Variants in TCF20 observed in about 807,000 individuals in gnomAD.
The protein encoded by TCF20 is transcription factor 20.
In TCF20, 3 loss-of-function variants were observed where a neutral mutation model predicts 148.6. That is an observed-to-expected ratio of 0.02 (90% CI 0.01 to 0.05). The LOEUF (loss-of-function observed/expected upper bound fraction) is 0.05, where lower values mean the gene tolerates loss of function less well. TCF20 is among the 10% of genes least tolerant of loss of function. The probability of loss-of-function intolerance (pLI) is 1.00; values close to 1 mark genes in which losing one functional copy is unlikely to be tolerated. For synonymous variants in TCF20, 1,049 were observed against 909.5 expected, an observed-to-expected ratio of 1.15 and a Z score of -2.76; for missense variants, 2,350 against 2,429.3, an observed-to-expected ratio of 0.97 and a Z score of 0.69.
chr22:42,262,189 G>C (rs1043255801), intron 1 of TCF20, among the ~76,000 whole-genome samples: 11 of 152,180 alleles, frequency 7.2e-5, no homozygotes, highest in African/African-American at 2.7e-4. Context: ...ATTTTAAGCA[G>C]ACACATACGA....
At chr22:42,267,572 G>A (rs574283553) in intron 1 of TCF20, among the ~76,000 whole-genome samples, 39 of 151,846 alleles carry the variant, frequency 2.6e-4, no homozygotes, top group Non-Finnish European at 5.0e-4. Context: ...GTGGTGGTGC[G>A]CACCTGTAGT....
intron 1 of TCF20, among the ~76,000 whole-genome samples, chr22:42,260,408 T>C (rs1404640429): frequency 6.6e-6 from 1 of 152,188 alleles, no homozygotes; most frequent in Non-Finnish European, 1.5e-5. Context: ...GAGATCACTT[T>C]AGCTGATAAG....
Position 42,318,356 on chromosome 22 carries a change from C to G in TCF20, c.-37+25123G>C, listed in dbSNP as rs562508183. ...CAGCCCCACCCCAAAAAGACTAGGG[C>G]GTACAGGGAACAATTGGCTAAAATA... On this transcript the variant is annotated intron_variant, in intron 1 of 1. Coordinates refer to the TCF20 transcript ENST00000515426. 5.3e-5 allele frequency among the ~76,000 whole-genome samples: 8 copies of G among 152,204 alleles called. No individual in the cohort carries two copies. The South Asian group carries it at 1.7e-3, about 32-fold the overall frequency.
At chr22:42,232,610 G>A (rs571723034) in intron 1 of TCF20, among the ~76,000 whole-genome samples, 4 of 152,052 alleles carry the variant, frequency 2.6e-5, no homozygotes, top group African/African-American at 4.8e-5. Context: ...GGCGGATCAC[G>A]AGGTCAGGAG....
intron 1 of TCF20, among the ~76,000 whole-genome samples, chr22:42,322,682 C>T (rs1282066741): frequency 1.3e-5 from 2 of 151,728 alleles, no homozygotes; most frequent in Non-Finnish European, 2.9e-5. Context: ...GAGTGAGCAC[C>T]TGAGGGAATG....
In TCF20 at chr22:42,161,157, ATG is replaced by A; in HGVS notation, c.*244_*245del. ...CATTGTCACTATGGAGATTGTGTCC[ATG>A]GAAACAGCCATTCCAACGTCTTGGG... On this transcript the variant is annotated 3_prime_UTR_variant, in exon 6 of 6. Transcript: ENST00000677622. 3.1e-6 allele frequency: 1 copy of A among 318,688 alleles called. No homozygotes were observed. The highest frequency in any genetic ancestry group is 5.3e-6 in the Non-Finnish European group (1 of 187,184). The allele number at this position is 318,688 out of a possible 1,614,324, so 19.7% of individuals were successfully genotyped here.
chr22:42,253,914 T>G lies in TCF20; in HGVS notation c.-37+16425A>C, dbSNP rs559009006. Among the ~76,000 whole-genome samples, 35 of 152,022 alleles carry G rather than the reference T, an allele frequency of 2.3e-4. 1 individual carries two copies. In the East Asian group the frequency reaches 6.6e-3, roughly 29 times the overall value. The stretch of plus-strand genomic sequence containing the variant: ...CAACATGGAGAAACCCTGTCTCTAC[T>G]AAAAATACAAAATTAGCCGGGTGTA... On this transcript the variant is annotated intron_variant, in intron 1 of 5. Transcript: ENST00000677622.
At chr22:42,251,837 A>G (rs1251355391) in intron 1 of TCF20, among the ~76,000 whole-genome samples, 1 of 151,710 alleles carries the variant, frequency 6.6e-6, no homozygotes, top group African/African-American at 2.4e-5. Flanking sequence ...TTTTAAAATT[A>G]TTTTTTCCAG....
upstream of TCF20, among the ~76,000 whole-genome samples, chr22:42,285,003 C>G (rs2147020923): frequency 6.6e-6 from 1 of 152,366 alleles, no homozygotes; most frequent in South Asian, 2.1e-4. This position sits in a 1 kb window ranked among gnomAD's most constrained non-coding sequence, Gnocchi z 4.2. Flanking sequence ...TCAAGCCATC[C>G]TTGGCCTGGT....
chr22:42,271,200 C>T (rs938878082), upstream of TCF20, among the ~76,000 whole-genome samples: 5 of 152,238 alleles, frequency 3.3e-5, no homozygotes, highest in Non-Finnish European at 7.3e-5. Context: ...CTGGCAGCCC[C>T]CGCCCATGGG....
At chr22:42,164,725 G>T (rs1002074522) in intron 5 of TCF20, among the ~76,000 whole-genome samples, 2 of 152,250 alleles carry the variant, frequency 1.3e-5, no homozygotes, top group African/African-American at 4.8e-5. Flanking sequence ...GAGGAGGGGG[G>T]CAATGGAGAC....
chr22:42,183,748 A>C (rs1255780260), intron 2 of TCF20, among the ~76,000 whole-genome samples: 1 of 151,782 alleles, frequency 6.6e-6, no homozygotes, highest in Non-Finnish European at 1.5e-5. Flanking sequence ...CAAGACTCTC[A>C]AGTGATTGTT....
chr22:42,183,089 G>C (rs371248559), intron 2 of TCF20, among the ~76,000 whole-genome samples: 127 of 152,314 alleles, frequency 8.3e-4, no homozygotes, highest in African/African-American at 2.8e-3. Flanking sequence ...AAGTCCTCCA[G>C]GCTATTCTGA....
chr22:42,234,336 T>C (rs186535300), intron 1 of TCF20, among the ~76,000 whole-genome samples: 1 of 152,206 alleles, frequency 6.6e-6, no homozygotes, highest in Non-Finnish European at 1.5e-5. Flanking sequence ...GGTCAACCTG[T>C]CAAATGAAGC....
chr22:42,168,070 C>G (rs1601510193), intron 5 of TCF20, among the ~76,000 whole-genome samples: 1 of 151,994 alleles, frequency 6.6e-6, no homozygotes, highest in Non-Finnish European at 1.5e-5. Flanking sequence ...CTAGAGTCTA[C>G]TAAATCTTTG....
upstream of TCF20, among the ~76,000 whole-genome samples, chr22:42,287,982 A>G (rs1170669714): frequency 2.8e-4 from 42 of 152,244 alleles, no homozygotes; most frequent in Admixed American, 2.7e-3. Context: ...CTTCACCAGA[A>G]GAGCTTTCGG....
chr22:42,219,279 G>A (rs1472917201), intron 1 of TCF20, among the ~76,000 whole-genome samples: 1 of 141,024 alleles, frequency 7.1e-6, no homozygotes, highest in African/African-American at 2.7e-5. Context: ...ACGATTGCTT[G>A]AACTCAGGAG....
At chr22:42,181,324 C>T (rs1438240276) in intron 2 of TCF20, among the ~76,000 whole-genome samples, 2 of 152,152 alleles carry the variant, frequency 1.3e-5, no homozygotes, top group African/African-American at 4.8e-5. Context: ...GCTGGGATTA[C>T]AGGCGTATGC....
At chr22:42,286,057 T>C (rs1248509884), upstream of TCF20, among the ~76,000 whole-genome samples, 1 of 152,236 alleles carries the variant, frequency 6.6e-6, no homozygotes, top group Non-Finnish European at 1.5e-5. Context: ...ACTCACTCAC[T>C]GGGTGACCTT....
Sources: allele counts gnomAD v4.1 joint callset (sites outside exome capture counted in the v4.1 genomes callset), GRCh38; gene constraint gnomAD v4.1.1; non-coding constraint Gnocchi (gnomAD v3.1); transcripts MANE v1.5; gene names NCBI Gene and HGNC (gene_info 2026-07-23, HGNC 2026-07-21).